Variants in DCC observed in about 807,000 individuals in gnomAD.
DCC encodes netrin receptor DCC.
DCC carries 58 observed loss-of-function variants against 172.5 expected under a neutral mutation model. That is an observed-to-expected ratio of 0.34 (90% CI 0.27 to 0.42). DCC has a LOEUF of 0.42. Ranked by LOEUF, DCC falls within the 10% of genes least tolerant of loss-of-function variation. DCC has a pLI of 1.00. For missense variants in DCC, 1,740 were observed against 1,791.0 expected (o/e 0.97, Z 0.51); for synonymous variants, 709 against 644.5 (o/e 1.10, Z -1.52).
chr18:53,496,173 C>A (rs1283872350), intron 26 of DCC, among the ~76,000 whole-genome samples: 1 of 150,778 alleles, frequency 6.6e-6, no homozygotes, highest in African/African-American at 2.4e-5. Context: ...GGAGACACCT[C>A]CCAGTTGGAG....
chr18:52,539,903 CA>C (rs560557417), intron 1 of DCC, among the ~76,000 whole-genome samples: 7 of 151,808 alleles, frequency 4.6e-5, no homozygotes, highest in African/African-American at 1.2e-4. Flanking sequence ...ACAACAACAA[CA>C]AAAAAACCCA....
intron 1 of DCC, among the ~76,000 whole-genome samples, chr18:52,538,157 C>T (rs149646319): frequency 6.6e-6 from 1 of 152,284 alleles, no homozygotes; most frequent in East Asian, 1.9e-4. Context: ...CCCAATCTTC[C>T]TCCGAAGTCT....
At chr18:52,902,136 A>G (rs568218671) in intron 2 of DCC, among the ~76,000 whole-genome samples, 2 of 152,344 alleles carry the variant, frequency 1.3e-5, no homozygotes, top group African/African-American at 4.8e-5. Context: ...TACAAGTTCA[A>G]TAGATCTGAG....
At chr18:53,247,464 C>G (rs1275091786) in intron 12 of DCC, among the ~76,000 whole-genome samples, 1 of 151,998 alleles carries the variant, frequency 6.6e-6, no homozygotes, top group Non-Finnish European at 1.5e-5. Context: ...TTAAACTCCT[C>G]TACTTTCATA....
intron 21 of DCC, among the ~76,000 whole-genome samples, chr18:53,421,936 C>T (rs1910663327): frequency 6.6e-6 from 1 of 152,110 alleles, no homozygotes; most frequent in Non-Finnish European, 1.5e-5. Flanking sequence ...TCTTATAGCA[C>T]CCTTACAGAT....
chr18:52,892,025 G>A (rs2039657272), intron 2 of DCC, among the ~76,000 whole-genome samples: 1 of 152,074 alleles, frequency 6.6e-6, no homozygotes, highest in Admixed American at 6.6e-5. Flanking sequence ...ACTTACTAAA[G>A]TGGTGGATGA....
intron 1 of DCC, among the ~76,000 whole-genome samples, chr18:52,606,642 C>T (rs1206886278): frequency 6.6e-6 from 1 of 152,042 alleles, no homozygotes; most frequent in African/African-American, 2.4e-5. Flanking sequence ...TTTTAATTAG[C>T]CCCTGATGGA....
At chr18:52,924,678 T>C (rs1010723112) in intron 4 of DCC, among the ~76,000 whole-genome samples, 8 of 152,102 alleles carry the variant, frequency 5.3e-5, no homozygotes, top group Admixed American at 6.6e-5. Context: ...CATAAATTAA[T>C]CTTTAAATTT....
chr18:53,126,283 T>C (rs1418035927), intron 7 of DCC, among the ~76,000 whole-genome samples: 1 of 152,122 alleles, frequency 6.6e-6, no homozygotes, highest in African/African-American at 2.4e-5. Context: ...TGGGATACTA[T>C]TTGTGCCTAG....
At chr18:53,047,305 T>C (rs1409705909) in intron 5 of DCC, among the ~76,000 whole-genome samples, 2 of 21,586 alleles carry the variant, frequency 9.3e-5, no homozygotes, top group Admixed American at 7.3e-4. Flanking sequence ...TATATATATA[T>C]ATAATTTTAT....
rs898311131 is a variant in DCC at position 53,374,168 on chromosome 18, GA to G, written c.2360-11866del. ...TAAATTTGAATGAATTAAATAAAAT[GA>G]AAAAAAAATAGATCCACATTTCTTC... On this transcript the variant is annotated intron_variant, in intron 15 of 28. Coordinates refer to ENST00000442544, the MANE Select transcript of DCC (RefSeq NM_005215.4). Among the ~76,000 whole-genome samples the G allele has an allele frequency of 2.3e-4, 35 of 149,318 alleles. No homozygotes were observed. In the Middle Eastern group the frequency reaches 0.021, roughly 89 times the overall value.
chr18:53,087,564 C>G (rs1278987632), intron 7 of DCC, among the ~76,000 whole-genome samples: 1 of 152,084 alleles, frequency 6.6e-6, no homozygotes, highest in Non-Finnish European at 1.5e-5. Context: ...CCTGTTTACT[C>G]TGATGGTAGT....
Position 53,313,021 on chromosome 18 carries a change from G to GA in DCC, c.2053+7304dup, listed in dbSNP as rs1568049123. On this transcript the variant is annotated intron_variant, in intron 13 of 28. Coordinates refer to ENST00000442544, the MANE Select transcript of DCC (RefSeq NM_005215.4). ...GGGAGGAAGGAAGGGAGGAAGAAAG[G>GA]AAGGGAAGAAGGAGGAAAGGGAAGA... 2.9e-4 allele frequency among the ~76,000 whole-genome samples: 21 copies of GA among 71,466 alleles called. No homozygotes were observed. In the East Asian group the frequency reaches 7.8e-3, roughly 27 times the overall value. 46.9% of individuals were successfully genotyped at this position (71,466 alleles called of 152,430 possible). A position where few individuals can be genotyped will look rare whatever the true frequency, so the allele number is the denominator to read the frequency against.
intron 1 of DCC, among the ~76,000 whole-genome samples, chr18:52,511,896 G>A (rs1263435041): frequency 6.6e-6 from 1 of 152,102 alleles, no homozygotes; most frequent in African/African-American, 2.4e-5. Context: ...ATGTTCTTCT[G>A]AATTTATTAA....
chr18:53,359,428 A>T (rs892079045), intron 15 of DCC, among the ~76,000 whole-genome samples: 5 of 152,054 alleles, frequency 3.3e-5, no homozygotes, highest in Admixed American at 3.3e-4. Context: ...CATTTTTCAC[A>T]TATCTATTTT....
rs1033607964 is a variant in DCC, at chr18:52,697,377, G to A, written c.92-54677G>A. Among the ~76,000 whole-genome samples the A allele has an allele frequency of 2.0e-5, 3 of 152,242 alleles. No individual in the cohort carries two copies. In the East Asian group the frequency reaches 5.8e-4, roughly 29 times the overall value. ...CTGACGATGATGTGTTCATGGCAGCGATATGGGATGGGTTATCTACCTTAG... is the reference window on the plus strand; with the variant it reads ...CTGACGATGATGTGTTCATGGCAGCAATATGGGATGGGTTATCTACCTTAG... On this transcript the variant is annotated intron_variant, in intron 1 of 28. Transcript: ENST00000442544.
intron 9 of DCC, among the ~76,000 whole-genome samples, chr18:53,197,854 A>G (rs1361807088): frequency 6.6e-6 from 1 of 152,122 alleles, no homozygotes; most frequent in Non-Finnish European, 1.5e-5. Flanking sequence ...AAACAGAGTA[A>G]GAGAAAGAAA....
intron 2 of DCC, among the ~76,000 whole-genome samples, chr18:52,841,730 T>TGCTG (rs1393261744): frequency 6.6e-6 from 1 of 152,072 alleles, no homozygotes; most frequent in Non-Finnish European, 1.5e-5. Flanking sequence ...TTGTTGGGAG[T>TGCTG]GCTGGCTGGC....
chr18:52,999,667 C>T (rs1372080034), intron 5 of DCC, among the ~76,000 whole-genome samples: 1 of 151,914 alleles, frequency 6.6e-6, no homozygotes, highest in Non-Finnish European at 1.5e-5. Context: ...CTTTCAAAAC[C>T]GTAAGAGAAA....
Sources: gnomAD v4.1 joint callset for allele counts (sites outside exome capture counted in the v4.1 genomes callset) on GRCh38, gnomAD v4.1.1 for gene constraint, MANE v1.5 for transcripts, NCBI Gene and HGNC (gene_info 2026-07-23, HGNC 2026-07-21) for gene names.